Variants in PHF11 observed in about 807,000 individuals in gnomAD.
The protein encoded by PHF11 is PHD finger protein 11.
PHF11 carries 38 observed loss-of-function variants against 40.5 expected under a neutral mutation model. That is an observed-to-expected ratio of 0.94 (90% CI 0.72 to 1.23). PHF11 has a LOEUF of 1.23. Among genes scored for constraint, PHF11 ranks in the 50% most tolerant of loss-of-function variants. PHF11 has a pLI of 0.00. For synonymous variants in PHF11, 127 were observed against 138.2 expected, an observed-to-expected ratio of 0.92 and a Z score of 0.57; for missense variants, 369 against 392.4, an observed-to-expected ratio of 0.94 and a Z score of 0.50.
chr13:49,500,629 T>TG (rs1288377897), intron 1 of PHF11, among the ~76,000 whole-genome samples: 1 of 152,146 alleles, frequency 6.6e-6, no homozygotes, highest in Admixed American at 6.5e-5. Flanking sequence ...CACTGTGATA[T>TG]GGGGGGATTT....
chr13:49,506,898 CTTTTTTT>C (rs1169962633), intron 2 of PHF11, 142 bp downstream of exon 2: 7 of 144,034 alleles, frequency 4.9e-5, no homozygotes, highest in Middle Eastern at 3.1e-3. Context: ...GGGAGCATTT[CTTTTTTT>C]TTTTTTTTTT....
intron 1 of PHF11, among the ~76,000 whole-genome samples, chr13:49,502,845 C>A (rs573650619): frequency 2.3e-4 from 35 of 152,166 alleles, no homozygotes; most frequent in Non-Finnish European, 4.7e-4. Flanking sequence ...GCCTCAGCCT[C>A]CCGAGTAGCT....
At chr13:49,523,066 G>C (rs2139074314) in intron 6 of PHF11, 109 bp from the exon 7 acceptor site, 3 of 813,302 alleles carry the variant, frequency 3.7e-6, no homozygotes, top group Non-Finnish European at 6.4e-6. Flanking sequence ...CCCAGCCAGG[G>C]CATGATTTTT....
chr13:49,524,887 C>T (rs572791690), intron 8 of PHF11, among the ~76,000 whole-genome samples: 1 of 152,168 alleles, frequency 6.6e-6, no homozygotes, highest in Admixed American at 6.5e-5. Context: ...AACCTCATGC[C>T]CTGAGAGTTG....
chr13:49,513,449 GCC>G (rs1566191760), intron 3 of PHF11, among the ~76,000 whole-genome samples: 5 of 151,016 alleles, frequency 3.3e-5, no homozygotes, highest in African/African-American at 1.2e-4. Context: ...TCCTGCCTCA[GCC>G]TCCCGAGTAG....
chr13:49,509,797 C>T (rs987698775), intron 2 of PHF11, among the ~76,000 whole-genome samples: 3 of 152,170 alleles, frequency 2.0e-5, no homozygotes, highest in Non-Finnish European at 4.4e-5. Context: ...TGTGAGGCCT[C>T]TCCAGCCATG....
intron 1 of PHF11, among the ~76,000 whole-genome samples, chr13:49,501,018 T>TTTTTTTTTTTTTTTTTTTTTG (rs1958898871): frequency 2.4e-5 from 1 of 42,192 alleles, no homozygotes; most frequent in African/African-American, 1.7e-4. Flanking sequence ...TTTTTTTTGG[T>TTTTTTTTTTTTTTTTTTTTTG]TTTTTTTTTT....
At chr13:49,511,256 G>T (rs1200469305) in intron 2 of PHF11, among the ~76,000 whole-genome samples, 1 of 150,880 alleles carries the variant, frequency 6.6e-6, no homozygotes, top group Non-Finnish European at 1.5e-5. Context: ...ATAAAAATCA[G>T]CTATAAGCAT....
chr13:49,509,717 TC>T (rs1194602466), intron 2 of PHF11, among the ~76,000 whole-genome samples: 4 of 152,090 alleles, frequency 2.6e-5, no homozygotes, highest in African/African-American at 9.7e-5. Flanking sequence ...AAAGAGGAGT[TC>T]CCCAAAAATC....
At chr13:49,508,401 T>C (rs1327709708) in intron 2 of PHF11, among the ~76,000 whole-genome samples, 1 of 147,902 alleles carries the variant, frequency 6.8e-6, no homozygotes, top group East Asian at 1.9e-4. Flanking sequence ...AATATATGAA[T>C]GTGTCTTTTT....
Position 49,523,321 on chromosome 13 carries a change from A to G in PHF11, c.637+80A>G, listed in dbSNP as rs1959200352. The G allele has an allele frequency of 3.4e-6, 3 of 888,544 alleles. No homozygotes were observed. In the South Asian group the frequency reaches 4.2e-5, roughly 12 times the overall value. 55.0% of individuals were successfully genotyped at this position (888,544 alleles called of 1,614,324 possible). Reference sequence around the variant, plus strand: ...TCAACCCACCTGTTTCAAACTTGGTATCCCGCCTAAATCTTTATTCTTCTA... The same window carrying G: ...TCAACCCACCTGTTTCAAACTTGGTGTCCCGCCTAAATCTTTATTCTTCTA... On this transcript the variant is annotated intron_variant, in intron 7 of 9. Transcript: ENST00000378319.
chr13:49,521,219 T>C (rs1277348951), intron 5 of PHF11: 1 of 1,085,182 alleles, frequency 9.2e-7, no homozygotes, highest in Non-Finnish European at 1.1e-6. Flanking sequence ...GGAAAAAGCC[T>C]TGACTTTTGG....
chr13:49,526,462 T>C lies in PHF11; in HGVS notation c.841+4T>C, dbSNP rs1190875703. On this transcript the variant is annotated splice_donor_region_variant and intron_variant, in intron 9 of 9. Coordinates refer to ENST00000378319, the MANE Select transcript of PHF11 (RefSeq NM_001040443.3). ...ACATTTGTAAATTTTCAAGCAGGTA[T>C]ATGAGTTATATAACATCTGAGCAGC... The C allele has an allele frequency of 2.5e-5, 38 of 1,512,152 alleles. No homozygotes were observed. The highest frequency in any genetic ancestry group is 3.3e-5 in the Non-Finnish European group (36 of 1,087,218). 93.7% of individuals were successfully genotyped at this position (1,512,152 alleles called of 1,614,324 possible). A position where few individuals can be genotyped will look rare whatever the true frequency, so the allele number is the denominator to read the frequency against.
intron 7 of PHF11, chr13:49,523,828 G>T: frequency 3.8e-6 from 1 of 265,770 alleles, no homozygotes; most frequent in Non-Finnish European, 7.0e-6. Flanking sequence ...GTTTAAAAAA[G>T]CCTCTTAATT....
intron 1 of PHF11, among the ~76,000 whole-genome samples, chr13:49,500,998 TTGTTTTTTTTTTTTTTTGG>T: frequency 7.9e-6 from 1 of 127,282 alleles, no homozygotes; most frequent in East Asian, 2.4e-4. Context: ...TCACCAACTT[TTGTTTTTTTTTTTTTTTGG>T]TTTTTTTTTT....
intron 8 of PHF11, chr13:49,526,168 C>CAAA (rs10573458): frequency 1.8e-4 from 62 of 341,160 alleles, no homozygotes; most frequent in South Asian, 4.5e-4. Context: ...GATTCTGTCT[C>CAAA]AAAAAAAAAA....
chr13:49,510,559 C>T (rs1303058249), intron 2 of PHF11, among the ~76,000 whole-genome samples: 3 of 151,992 alleles, frequency 2.0e-5, no homozygotes, highest in East Asian at 3.9e-4. Context: ...CTCACTGCAG[C>T]CTTGAACTCC....
intron 2 of PHF11, among the ~76,000 whole-genome samples, 189 bp downstream of exon 2, chr13:49,506,945 C>A (rs963756349): frequency 6.9e-6 from 1 of 145,194 alleles, no homozygotes; most frequent in Non-Finnish European, 1.5e-5. Flanking sequence ...ACTCTGTCAC[C>A]CAGGCTGGAG....
At chr13:49,522,651 C>T (rs1409996947) in intron 6 of PHF11, among the ~76,000 whole-genome samples, 1 of 152,074 alleles carries the variant, frequency 6.6e-6, no homozygotes, top group African/African-American at 2.4e-5. Context: ...GCGCCAGCAA[C>T]CTTCACCTCC....
Sources: allele counts gnomAD v4.1 joint callset (sites outside exome capture counted in the v4.1 genomes callset), GRCh38; gene constraint gnomAD v4.1.1; transcripts MANE v1.5; gene names NCBI Gene and HGNC (gene_info 2026-07-23, HGNC 2026-07-21).